The following NXPH1 variants were observed in gnomAD, a reference collection of about 807,000 sequenced individuals.
The protein encoded by NXPH1 is neurexophilin 1, also known as neurexophilin-1.
In NXPH1, 5 loss-of-function variants were observed where a neutral mutation model predicts 23.7. The ratio of observed to expected loss-of-function variants is 0.21; its 90% confidence interval spans 0.11 to 0.44. The LOEUF (loss-of-function observed/expected upper bound fraction) is 0.44. NXPH1 is among the 20% of genes least tolerant of loss of function. NXPH1 has a pLI of 0.99. For synonymous variants in NXPH1, 144 were observed against 122.2 expected (o/e 1.18, Z -1.18); for missense variants, 324 against 321.6 (o/e 1.01, Z -0.06).
In NXPH1 at chr7:8,444,151, G is replaced by A. The variant is rs549694930; in HGVS notation, c.54+8384G>A. On this transcript the variant is annotated intron_variant, in intron 2 of 2. Transcript: ENST00000405863. ...TGTCCGTTTCTCTTGCCTTAGCATA[G>A]GAGTCAATCCTTTTCTTGTCACCCG... 1.4e-4 allele frequency among the ~76,000 whole-genome samples: 21 copies of A among 152,358 alleles called. 1 individual carries two copies. The highest frequency in any genetic ancestry group is 4.8e-4 in the African/African-American group (20 of 41,588).
chr7:8,587,342 C>T (rs962428392), intron 2 of NXPH1, among the ~76,000 whole-genome samples: 1 of 151,516 alleles, frequency 6.6e-6, no homozygotes, highest in African/African-American at 2.4e-5. Flanking sequence ...TGCTATGTTG[C>T]CCAGGCTGGA....
intron 2 of NXPH1, among the ~76,000 whole-genome samples, chr7:8,610,473 C>T (rs1819593922): frequency 6.6e-6 from 1 of 152,078 alleles, no homozygotes; most frequent in African/African-American, 2.4e-5. Context: ...GAAAACATAA[C>T]TTAAAAATTC....
At chr7:8,560,365 A>C (rs1343343913) in intron 2 of NXPH1, among the ~76,000 whole-genome samples, 1 of 151,718 alleles carries the variant, frequency 6.6e-6, no homozygotes, top group African/African-American at 2.4e-5. Context: ...TCTAAAGAAC[A>C]CACTCTAATT....
chr7:8,694,956 A>G (rs1583233999), intron 2 of NXPH1, among the ~76,000 whole-genome samples: 1 of 152,226 alleles, frequency 6.6e-6, no homozygotes, highest in Non-Finnish European at 1.5e-5. Flanking sequence ...GAAAATCTCT[A>G]AATACATTAT....
intron 2 of NXPH1, among the ~76,000 whole-genome samples, chr7:8,691,376 C>A (rs1037286965): frequency 1.3e-5 from 2 of 152,032 alleles, no homozygotes; most frequent in South Asian, 4.1e-4. Context: ...CTCCCATTCC[C>A]GACCTCAGGT....
chr7:8,745,617 A>G (rs1023523910), intron 2 of NXPH1, among the ~76,000 whole-genome samples: 8 of 151,948 alleles, frequency 5.3e-5, no homozygotes, highest in African/African-American at 1.7e-4. Flanking sequence ...CAGTGGTGCA[A>G]TCTTGGCTCA....
At chr7:8,675,068 G>A (rs1432695541) in intron 2 of NXPH1, among the ~76,000 whole-genome samples, 1 of 152,030 alleles carries the variant, frequency 6.6e-6, no homozygotes. Flanking sequence ...TAGAACAAGG[G>A]GTAGGCTAAA....
chr7:8,654,673 A>G (rs1322713614), intron 2 of NXPH1, among the ~76,000 whole-genome samples: 1 of 152,148 alleles, frequency 6.6e-6, no homozygotes, highest in Non-Finnish European at 1.5e-5. Context: ...CAGTCTTTGC[A>G]TCCTCACTCA....
chr7:8,492,078 G>T (rs1817256393), intron 2 of NXPH1, among the ~76,000 whole-genome samples: 1 of 152,018 alleles, frequency 6.6e-6, no homozygotes, highest in African/African-American at 2.4e-5. Context: ...TCTCTTGAGT[G>T]CAAGCACAAG....
intron 2 of NXPH1, among the ~76,000 whole-genome samples, chr7:8,700,046 C>T (rs998752077): frequency 2.0e-5 from 3 of 152,056 alleles, no homozygotes; most frequent in Admixed American, 6.6e-5. Flanking sequence ...AATGGTGAAA[C>T]CTGAAGATAA....
rs528132322 is a variant in NXPH1, at chr7:8,693,960, A to C, written c.55-57048A>C. 7.2e-5 allele frequency among the ~76,000 whole-genome samples: 11 copies of C among 152,332 alleles called. No individual in the cohort carries two copies. The South Asian group carries it at 2.3e-3, about 32-fold the overall frequency. ...GTTTCTATTACTTATGTAATCATCCAATGTATAATTTAAAATATATATCTT... is the reference window on the plus strand; with the variant it reads ...GTTTCTATTACTTATGTAATCATCCCATGTATAATTTAAAATATATATCTT... On this transcript the variant is annotated intron_variant, in intron 2 of 2. Transcript: ENST00000405863.
intron 2 of NXPH1, among the ~76,000 whole-genome samples, chr7:8,513,463 T>C (rs189207166): frequency 3.3e-5 from 5 of 152,262 alleles, no homozygotes; most frequent in African/African-American, 1.2e-4. Flanking sequence ...TGCAGAAATA[T>C]TAAAGTGTTG....
intron 2 of NXPH1, among the ~76,000 whole-genome samples, chr7:8,627,824 T>G (rs1820026398): frequency 6.6e-6 from 1 of 152,112 alleles, no homozygotes; most frequent in African/African-American, 2.4e-5. Flanking sequence ...AGACCAGATT[T>G]CATCCATAAA....
At chr7:8,520,627 T>C (rs1007092053) in intron 2 of NXPH1, among the ~76,000 whole-genome samples, 2 of 152,108 alleles carry the variant, frequency 1.3e-5, no homozygotes, top group African/African-American at 4.8e-5. Flanking sequence ...ACCTTGCAGG[T>C]ATTCTCCCTG....
chr7:8,658,338 T>C (rs890342474), intron 2 of NXPH1, among the ~76,000 whole-genome samples: 22 of 152,316 alleles, frequency 1.4e-4, no homozygotes, highest in African/African-American at 4.8e-4. Context: ...GCTCAACGAG[T>C]GTTTGATTAG....
chr7:8,607,070 A>G (rs1482706650), intron 2 of NXPH1, among the ~76,000 whole-genome samples: 1 of 152,106 alleles, frequency 6.6e-6, no homozygotes, highest in Admixed American at 6.6e-5. Flanking sequence ...CCTGGGACAA[A>G]TATACGGTTG....
Position 8,439,407 on chromosome 7 carries a change from A to C in NXPH1, c.54+3640A>C, listed in dbSNP as rs1816253396. 2.6e-5 allele frequency among the ~76,000 whole-genome samples: 4 copies of C among 152,164 alleles called. No homozygotes were observed. In the South Asian group the frequency reaches 8.3e-4, roughly 32 times the overall value. On this transcript the variant is annotated intron_variant, in intron 2 of 2. Coordinates refer to ENST00000405863, the MANE Select transcript of NXPH1 (RefSeq NM_152745.3). ...CTCACCTGTGGTAACTCTCAGTTAG[A>C]GAGGTGAGTCTAATGAGCACTTTCT...
intron 2 of NXPH1, among the ~76,000 whole-genome samples, chr7:8,739,008 G>C (rs1780312479): frequency 6.6e-6 from 1 of 151,916 alleles, no homozygotes. Context: ...GTCGACTTCA[G>C]ACTGCTGTGC....
At chr7:8,586,525 A>G (rs1320699955) in intron 2 of NXPH1, among the ~76,000 whole-genome samples, 1 of 152,008 alleles carries the variant, frequency 6.6e-6, no homozygotes, top group Admixed American at 6.6e-5. Flanking sequence ...AGTTTTGTTC[A>G]GTCTTGAAGA....
Sources: gnomAD v4.1 joint callset for allele counts (sites outside exome capture counted in the v4.1 genomes callset) on GRCh38, gnomAD v4.1.1 for gene constraint, MANE v1.5 for transcripts, NCBI Gene and HGNC (gene_info 2026-07-23, HGNC 2026-07-21) for gene names.